Variants in CAST observed in about 807,000 individuals in gnomAD.
CAST encodes calpastatin, also known as MIR583 host.
In CAST, 76 loss-of-function variants were observed where a neutral mutation model predicts 119.6. That is an observed-to-expected ratio of 0.64 (90% CI 0.53 to 0.77). CAST has a LOEUF of 0.77. Ranked by LOEUF, CAST falls within the 30% of genes least tolerant of loss-of-function variation. The pLI, the probability that CAST is intolerant of heterozygous loss-of-function variation, is 0.00. For missense variants in CAST, 953 were observed against 946.5 expected, an observed-to-expected ratio of 1.01 and a Z score of -0.09; for synonymous variants, 319 against 331.6, an observed-to-expected ratio of 0.96 and a Z score of 0.41.
chr5:96,377,996 C>T, the CAST span, among the ~76,000 whole-genome samples: 1 of 152,102 alleles, frequency 6.6e-6, no homozygotes, highest in Non-Finnish European at 1.5e-5. Flanking sequence ...GAAGGCTATC[C>T]TGCCATCTGT....
the CAST span, among the ~76,000 whole-genome samples, chr5:96,425,232 TAAACAGA>T: frequency 2.0e-5 from 3 of 152,204 alleles, no homozygotes; most frequent in Non-Finnish European, 4.4e-5. Context: ...GACGTAACAT[TAAACAGA>T]AGAGAGGACA....
In CAST at chr5:96,773,092, T is replaced by C. The variant is rs575641428; in HGVS notation, c.*476T>C. 1 of 154,014 alleles carries C rather than the reference T, an allele frequency of 6.5e-6. No homozygotes were observed. Among genetic ancestry groups the C allele is most frequent in the South Asian group, 2.1e-4 (1 of 4,828 alleles). The allele number at this position is 154,014 out of a possible 1,614,324, so 9.5% of individuals were successfully genotyped here. A position where few individuals can be genotyped will look rare whatever the true frequency, so the allele number is the denominator to read the frequency against. ...GATTTCTTATTACCCCCTTTCCTCT[T>C]GGGCTTTTGAACTGTATTTGATGTT... is the stretch of plus-strand genomic sequence containing the variant. On this transcript the variant is annotated 3_prime_UTR_variant, in exon 32 of 32. Coordinates refer to ENST00000675179, the MANE Select transcript of CAST (RefSeq NM_001750.7).
chr5:96,377,221 A>G, the CAST span, among the ~76,000 whole-genome samples: 6 of 151,966 alleles, frequency 3.9e-5, no homozygotes, highest in Admixed American at 3.3e-4. Context: ...AAAGTCTACA[A>G]GAAGCTAAGT....
intron 1 of CAST, among the ~76,000 whole-genome samples, chr5:96,550,329 G>A (rs1046231545): frequency 6.6e-6 from 1 of 152,208 alleles, no homozygotes; most frequent in African/African-American, 2.4e-5. Flanking sequence ...GGGCCTGTCT[G>A]TTAGAAGGAA....
chr5:96,178,327 G>A, the CAST span, among the ~76,000 whole-genome samples: 7 of 152,074 alleles, frequency 4.6e-5, no homozygotes, highest in African/African-American at 1.7e-4. Context: ...CTTTAACTCT[G>A]TTCTTGGCAG....
the CAST span, among the ~76,000 whole-genome samples, chr5:96,068,483 A>T: frequency 2.6e-5 from 4 of 151,734 alleles, no homozygotes; most frequent in Non-Finnish European, 4.4e-5. Flanking sequence ...TTCCAGCTCC[A>T]TCCATTCATG....
intron 6 of CAST, among the ~76,000 whole-genome samples, chr5:96,728,109 C>T (rs142580208): frequency 2.6e-4 from 39 of 152,300 alleles, no homozygotes; most frequent in South Asian, 4.1e-4. Context: ...AGGTTGTGTA[C>T]GGCAGCACAA....
chr5:96,412,761 T>TTTTG, the CAST span, among the ~76,000 whole-genome samples: 1 of 145,264 alleles, frequency 6.9e-6, no homozygotes, highest in Non-Finnish European at 1.5e-5. Context: ...TGTTTTTTTT[T>TTTTG]TTTTTTTTTT....
intron 1 of CAST, among the ~76,000 whole-genome samples, chr5:96,539,943 C>T (rs941548179): frequency 6.6e-6 from 1 of 152,030 alleles, no homozygotes; most frequent in Non-Finnish European, 1.5e-5. Flanking sequence ...TAATTATTTA[C>T]ATGATTTTAT....
the CAST span, among the ~76,000 whole-genome samples, chr5:96,061,372 C>G: frequency 6.6e-6 from 1 of 152,042 alleles, no homozygotes; most frequent in Non-Finnish European, 1.5e-5. Flanking sequence ...CAGCAACAAT[C>G]AAATATAAAT....
At chr5:96,590,254 T>A (rs1300477287) in intron 1 of CAST, among the ~76,000 whole-genome samples, 1 of 152,216 alleles carries the variant, frequency 6.6e-6, no homozygotes, top group African/African-American at 2.4e-5. Flanking sequence ...AGAATATGCA[T>A]TTTTAGTGAG....
the CAST span, among the ~76,000 whole-genome samples, chr5:95,989,305 ATGAT>A: frequency 3.3e-5 from 5 of 152,140 alleles, no homozygotes; most frequent in Admixed American, 3.3e-4. Context: ...ATCTGAGAGC[ATGAT>A]ATATCTTTTG....
At position 96,607,966 on chromosome 5, in the gene CAST, T is replaced by C. The variant is rs571216443; in HGVS notation, c.61-67573T>C. Among the ~76,000 whole-genome samples, 4 of 152,350 alleles carry C rather than the reference T, an allele frequency of 2.6e-5. No homozygotes were observed. The East Asian group carries it at 5.8e-4, about 22-fold the overall frequency. On this transcript the variant is annotated intron_variant, in intron 1 of 11. Transcript: ENST00000505143. ...TTATCATTTCTTTGTGGTGAGAGCA[T>C]ACAAAATCCTCTCTTCCAGCTATTT... is the stretch of plus-strand genomic sequence containing the variant.
At chr5:96,149,240 A>T in the CAST span, among the ~76,000 whole-genome samples, 2 of 152,190 alleles carry the variant, frequency 1.3e-5, no homozygotes, top group African/African-American at 4.8e-5. Flanking sequence ...GACTCCCTCC[A>T]TAACTCCTTC....
intron 1 of CAST, among the ~76,000 whole-genome samples, chr5:96,599,275 G>A: frequency 6.6e-6 from 1 of 152,188 alleles, no homozygotes; most frequent in Non-Finnish European, 1.5e-5. Flanking sequence ...CTGGTGGTTA[G>A]TGCCCCAATC....
chr5:96,167,771 G>T, the CAST span, among the ~76,000 whole-genome samples: 1 of 152,192 alleles, frequency 6.6e-6, no homozygotes, highest in Non-Finnish European at 1.5e-5. Flanking sequence ...TACCCATCCA[G>T]TGAAAGTGTC....
At chr5:96,049,034 C>T in the CAST span, among the ~76,000 whole-genome samples, 2 of 152,124 alleles carry the variant, frequency 1.3e-5, no homozygotes, top group East Asian at 1.9e-4. Flanking sequence ...CTGACATCCC[C>T]GGAGACCCTT....
chr5:96,707,456 G>A (rs879634835), intron 3 of CAST, among the ~76,000 whole-genome samples: 2 of 151,350 alleles, frequency 1.3e-5, no homozygotes, highest in African/African-American at 4.9e-5. Flanking sequence ...GCACAATCTC[G>A]GCTCACTGCA....
At chr5:96,069,655 C>CTTTTTTTTTTTTT in the CAST span, among the ~76,000 whole-genome samples, 1 of 78,376 alleles carries the variant, frequency 1.3e-5, no homozygotes, top group Non-Finnish European at 2.3e-5. Flanking sequence ...GGTAATTAAA[C>CTTTTTTTTTTTTT]TTTTTTTTTT....
Sources: allele counts gnomAD v4.1 joint callset (sites outside exome capture counted in the v4.1 genomes callset), GRCh38; gene constraint gnomAD v4.1.1; transcripts MANE v1.5; gene names NCBI Gene and HGNC (gene_info 2026-07-23, HGNC 2026-07-21).